Variants in CCDC85C observed in about 807,000 individuals in gnomAD.
CCDC85C encodes the protein coiled-coil domain-containing protein 85C.
A neutral mutation model predicts 38.3 loss-of-function variants in CCDC85C; 18 were observed. The ratio of observed to expected loss-of-function variants is 0.47; its 90% CI spans 0.33 to 0.70. The LOEUF is 0.70. Ranked by LOEUF, CCDC85C falls within the 30% of genes least tolerant of loss-of-function variation. The pLI is 0.03. For synonymous variants in CCDC85C, 264 were observed against 293.8 expected (o/e 0.90, Z 1.04); for missense variants, 566 against 621.2 (o/e 0.91, Z 0.94).
intron 3 of CCDC85C, among the ~76,000 whole-genome samples, chr14:99,518,586 G>A (rs1009693101): frequency 5.3e-5 from 8 of 152,156 alleles, no homozygotes; most frequent in East Asian, 3.9e-4. Flanking sequence ...CACTCCCCGC[G>A]CCAGACAGCA....
intron 1 of CCDC85C, among the ~76,000 whole-genome samples, chr14:99,589,187 G>C (rs115888654): frequency 6.6e-6 from 1 of 151,342 alleles, no homozygotes; most frequent in Admixed American, 6.6e-5. Context: ...AGCAGGCAGC[G>C]GGGAGCACAC....
chr14:99,510,679 C>G lies in CCDC85C; in HGVS notation c.*4567G>C. ...GGCCTGCCGCCAGCCAGCTACCCACCTCCTGCCGTCCCCCCTGGAGGACAG... is the reference window on the plus strand; with the variant it reads ...GGCCTGCCGCCAGCCAGCTACCCACGTCCTGCCGTCCCCCCTGGAGGACAG... On this transcript the variant is annotated 3_prime_UTR_variant, in exon 6 of 6. Transcript: ENST00000380243. 7.0e-7 allele frequency: 1 copy of G among 1,423,214 alleles called. No homozygotes were observed. The highest frequency in any genetic ancestry group is 9.2e-7 in the Non-Finnish European group (1 of 1,088,430). The allele number at this position is 1,423,214 out of a possible 1,614,324, so 88.2% of individuals were successfully genotyped here.
At chr14:99,521,131 T>C (rs985192601) in intron 3 of CCDC85C, among the ~76,000 whole-genome samples, 1 of 152,166 alleles carries the variant, frequency 6.6e-6, no homozygotes, top group Admixed American at 6.5e-5. Context: ...TCTGAATGAA[T>C]GAGAGGCACG....
chr14:99,603,309 G>C lies in CCDC85C; in HGVS notation c.651C>G (p.Pro217=). ...GGGGTGGGACGTGGTGGTGGTGGTC[G>C]GGGCTGCCGCCGCTGCCCGCGCTGG... ...STSSAGSGGS[P]DHHHHVPPPL... The change falls in exon 1 of 6, where the codon CCC becomes CCG. Residue 217 remains proline (P), a synonymous_variant. Coordinates refer to ENST00000380243, the MANE Select transcript of CCDC85C (RefSeq NM_001144995.2). This position sits in a 1 kb window ranked among gnomAD's most constrained non-coding sequence, Gnocchi z 7.5. 3 of 1,355,288 alleles carry C rather than the reference G, an allele frequency of 2.2e-6. No homozygotes were observed. Among genetic ancestry groups the C allele is most frequent in the South Asian group, 3.6e-5 (2 of 56,058 alleles). 84.0% of individuals were successfully genotyped at this position (1,355,288 alleles called of 1,614,324 possible). A position where few individuals can be genotyped will look rare whatever the true frequency, so the allele number is the denominator to read the frequency against.
intron 1 of CCDC85C, chr14:99,580,068 A>G (rs1270312932): frequency 1.5e-5 from 7 of 455,620 alleles, no homozygotes; most frequent in Non-Finnish European, 2.6e-5. Flanking sequence ...TCTTGGTCTC[A>G]CATTCCTAAA....
At position 99,502,629 on chromosome 14, in the gene CCDC85C, C is replaced by CGTAG. The variant is rs1896862566; in HGVS notation, c.*12613_*12616dup. The CGTAG allele has an allele frequency of 2.3e-6, 3 of 1,303,542 alleles. No individual in the cohort carries two copies. Among genetic ancestry groups the CGTAG allele is most frequent in the Non-Finnish European group, 3.2e-6 (3 of 926,248 alleles). 80.7% of individuals were successfully genotyped at this position (1,303,542 alleles called of 1,614,324 possible). A position where few individuals can be genotyped will look rare whatever the true frequency, so the allele number is the denominator to read the frequency against. ...TAAATGTGATTCATGCTTAGGTCCT[C>CGTAG]GTAGGGGTATCATAACTGATTCTTT... is the stretch of plus-strand genomic sequence containing the variant. On this transcript the variant is annotated 3_prime_UTR_variant, in exon 6 of 6. Coordinates refer to ENST00000380243, the MANE Select transcript of CCDC85C (RefSeq NM_001144995.2).
Position 99,503,776 on chromosome 14 carries a change from T to G in CCDC85C, c.*11470A>C, listed in dbSNP as rs1368295251. On this transcript the variant is annotated 3_prime_UTR_variant, in exon 6 of 6. Transcript: ENST00000380243. ...AACTTTAGAGCTCATACAAAACTTTTCCATCAGCATTGTCTTTCTGTTCAT... is the reference window on the plus strand; with the variant it reads ...AACTTTAGAGCTCATACAAAACTTTGCCATCAGCATTGTCTTTCTGTTCAT... The G allele has an allele frequency of 1.4e-5, 10 of 709,340 alleles. No homozygotes were observed. The highest frequency in any genetic ancestry group is 2.4e-5 in the Non-Finnish European group (10 of 422,968). 43.9% of individuals were successfully genotyped at this position (709,340 alleles called of 1,614,324 possible).
At chr14:99,522,361 C>T in intron 2 of CCDC85C, 121 bp from the exon 3 acceptor site, 2 of 657,910 alleles carry the variant, frequency 3.0e-6, no homozygotes, top group East Asian at 5.6e-5. Flanking sequence ...AGGACCCCTC[C>T]ACCCTCCCCT....
At chr14:99,568,082 G>A (rs1898253762) in intron 1 of CCDC85C, among the ~76,000 whole-genome samples, 1 of 151,998 alleles carries the variant, frequency 6.6e-6, no homozygotes, top group Non-Finnish European at 1.5e-5. Context: ...GACTGGCCTG[G>A]TCCCTTTAGG....
Position 99,588,463 on chromosome 14 carries a change from C to G in CCDC85C, c.793+14704G>C, listed in dbSNP as rs771799417. Among the ~76,000 whole-genome samples the G allele has an allele frequency of 2.6e-5, 4 of 152,024 alleles. No homozygotes were observed. The highest frequency in any genetic ancestry group is 5.9e-5 in the Non-Finnish European group (4 of 68,012). The stretch of plus-strand genomic sequence containing the variant: ...GAGAAAAGAGAGCCCACGGACCCAT[C>G]CAAAAGTCACCAGAGGCCTGATGTG... On this transcript the variant is annotated intron_variant, in intron 1 of 5. Transcript: ENST00000380243. This position sits in a 1 kb window ranked among gnomAD's most constrained non-coding sequence, Gnocchi z 5.0.
Position 99,510,053 on chromosome 14 carries a change from C to A in CCDC85C, c.*5193G>T. ...GTTGGGCCACAGAGGAGGCGGGCAG[C>A]TGCTCCCTGCTCCTCTGTAAAGATG... On this transcript the variant is annotated 3_prime_UTR_variant, in exon 6 of 6. Coordinates refer to ENST00000380243, the MANE Select transcript of CCDC85C (RefSeq NM_001144995.2). 1 of 1,183,062 alleles carries A rather than the reference C, an allele frequency of 8.5e-7. No individual in the cohort carries two copies. Among genetic ancestry groups the A allele is most frequent in the Non-Finnish European group, 1.2e-6 (1 of 861,262 alleles). 73.3% of individuals were successfully genotyped at this position (1,183,062 alleles called of 1,614,324 possible).
rs1040516134 is a variant in CCDC85C at position 99,512,591 on chromosome 14, G to C, written c.*2655C>G. Reference sequence around the variant, plus strand: ...TCAGCATGTTCTGAGGCCAGGATGGGCTTGGCCACCTGGGCTGGGGCGAAA... The same window carrying C: ...TCAGCATGTTCTGAGGCCAGGATGGCCTTGGCCACCTGGGCTGGGGCGAAA... On this transcript the variant is annotated 3_prime_UTR_variant, in exon 6 of 6. Coordinates refer to ENST00000380243, the MANE Select transcript of CCDC85C (RefSeq NM_001144995.2). 6.6e-6 allele frequency: 1 copy of C among 152,218 alleles called. No homozygotes were observed. The highest frequency in any genetic ancestry group is 2.4e-5 in the African/African-American group (1 of 41,468). The allele number at this position is 152,218 out of a possible 1,614,324, so 9.4% of individuals were successfully genotyped here.
chr14:99,574,728 C>A (rs539373914), intron 1 of CCDC85C, among the ~76,000 whole-genome samples: 82 of 152,316 alleles, frequency 5.4e-4, no homozygotes, highest in African/African-American at 2.0e-3. Context: ...TGTGTCCGCC[C>A]GAGGGGCACC....
At chr14:99,517,005 A>G (rs1897236040) in intron 4 of CCDC85C, 83 bp downstream of exon 4, 1 of 1,300,904 alleles carries the variant, frequency 7.7e-7, no homozygotes, top group African/African-American at 1.5e-5. Context: ...TGCCACTTGG[A>G]TACCCCTAGG....
chr14:99,547,302 A>G (rs1897825395), intron 1 of CCDC85C, among the ~76,000 whole-genome samples: 2 of 152,248 alleles, frequency 1.3e-5, no homozygotes, highest in African/African-American at 4.8e-5. Context: ...TTTATATAAA[A>G]TCTCCAGAAT....
At chr14:99,539,773 T>G (rs1035971669) in intron 1 of CCDC85C, among the ~76,000 whole-genome samples, 4 of 152,170 alleles carry the variant, frequency 2.6e-5, no homozygotes, top group Admixed American at 6.5e-5. Context: ...AGGGAACCAG[T>G]GGGTTTTTAT....
intron 1 of CCDC85C, among the ~76,000 whole-genome samples, chr14:99,559,314 G>T (rs1898070953): frequency 6.6e-6 from 1 of 151,970 alleles, no homozygotes; most frequent in South Asian, 2.1e-4. Flanking sequence ...GTTGTTTTAA[G>T]ACCCCTAGGG....
At chr14:99,539,469 CAAAAA>C (rs5810957) in intron 1 of CCDC85C, among the ~76,000 whole-genome samples, 1 of 108,480 alleles carries the variant, frequency 9.2e-6, no homozygotes, top group Admixed American at 1.0e-4. Flanking sequence ...GACTCCATCT[CAAAAA>C]AAAAAAAAAA....
At position 99,572,746 on chromosome 14, in the gene CCDC85C, G is replaced by A. The variant is rs563659423; in HGVS notation, c.793+30421C>T. 1,155 of 456,098 alleles carry A rather than the reference G, an allele frequency of 2.5e-3. 4 individuals are homozygous for A. Among genetic ancestry groups the A allele is most frequent in the Non-Finnish European group, 3.7e-3 (845 of 226,812 alleles). The allele number at this position is 456,098 out of a possible 1,614,324, so 28.3% of individuals were successfully genotyped here. A position where few individuals can be genotyped will look rare whatever the true frequency, so the allele number is the denominator to read the frequency against. On this transcript the variant is annotated intron_variant, in intron 1 of 5. Coordinates refer to ENST00000380243, the MANE Select transcript of CCDC85C (RefSeq NM_001144995.2). This position sits in a 1 kb window ranked among gnomAD's most constrained non-coding sequence, Gnocchi z 4.4. ...AGGATATGAAACTGTCCCATCCATG[G>A]ATTTGTTTGCCAGTTTATCCATCTT... is the stretch of plus-strand genomic sequence containing the variant.
Sources: allele counts gnomAD v4.1 joint callset (sites outside exome capture counted in the v4.1 genomes callset), GRCh38; gene constraint gnomAD v4.1.1; non-coding constraint Gnocchi (gnomAD v3.1); transcripts MANE v1.5; gene names NCBI Gene and HGNC (gene_info 2026-07-23, HGNC 2026-07-21).